Variants in ASAP2 observed in about 807,000 individuals in gnomAD.
ASAP2 encodes the protein arf-GAP with SH3 domain, ANK repeat and PH domain-containing protein 2.
ASAP2 carries 45 observed loss-of-function variants against 131.4 expected under a neutral mutation model. The ratio of observed to expected loss-of-function variants is 0.34; its 90% CI spans 0.27 to 0.44. The LOEUF (loss-of-function observed/expected upper bound fraction) is 0.44. ASAP2 is among the 20% of genes least tolerant of loss of function. The probability of loss-of-function intolerance (pLI) is 1.00; values close to 1 mark genes in which losing one functional copy is unlikely to be tolerated. For synonymous variants in ASAP2, 510 were observed against 503.0 expected (o/e 1.01, Z -0.19); for missense variants, 1,011 against 1,297.0 (o/e 0.78, Z 3.39).
chr2:9,238,111 G>A (rs1663680582), intron 1 of ASAP2, among the ~76,000 whole-genome samples: 1 of 152,196 alleles, frequency 6.6e-6, no homozygotes, highest in Non-Finnish European at 1.5e-5. Flanking sequence ...TTTAGGGTGA[G>A]CACTTACTAA....
chr2:9,253,748 C>T (rs184283997), intron 1 of ASAP2, among the ~76,000 whole-genome samples: 13 of 152,108 alleles, frequency 8.5e-5, no homozygotes, highest in Admixed American at 3.9e-4. Context: ...TAGACCACTC[C>T]TTTGCATTGC....
chr2:9,211,125 A>C (rs1205908969), intron 1 of ASAP2, among the ~76,000 whole-genome samples: 3 of 151,574 alleles, frequency 2.0e-5, no homozygotes, highest in Admixed American at 1.3e-4. Flanking sequence ...ATTGCACTCC[A>C]GCCTGGGCAA....
At chr2:9,375,946 G>C (rs544933259) in intron 17 of ASAP2, among the ~76,000 whole-genome samples, 3 of 152,204 alleles carry the variant, frequency 2.0e-5, no homozygotes, top group Non-Finnish European at 4.4e-5. Context: ...CATCCAGCTG[G>C]AGTGGGTTTG....
intron 20 of ASAP2, among the ~76,000 whole-genome samples, chr2:9,384,855 G>A (rs1675140298): frequency 6.6e-6 from 1 of 152,216 alleles, no homozygotes; most frequent in Admixed American, 6.5e-5. Context: ...ACCCTCTCTG[G>A]GGAGGGCCTT....
intron 2 of ASAP2, among the ~76,000 whole-genome samples, chr2:9,289,989 C>CGGT (rs58906207): frequency 0.33 from 50,188 of 151,740 alleles, 8,461 homozygotes; most frequent in Non-Finnish European, 0.36. Context: ...AGGAAGAAGC[C>CGGT]GGTGAGAGGC....
chr2:9,334,625 C>T, intron 7 of ASAP2, 113 bp from the exon 8 acceptor site: 2 of 855,858 alleles, frequency 2.3e-6, no homozygotes, highest in East Asian at 2.5e-5. Flanking sequence ...ACAGTCTTTT[C>T]CCCCAGGAGT....
In ASAP2 at chr2:9,356,041, A is replaced by G; in HGVS notation, c.1112-6A>G. The G allele has an allele frequency of 1.9e-6, 3 of 1,614,158 alleles. No individual in the cohort carries two copies. The highest frequency in any genetic ancestry group is 1.1e-5 in the South Asian group (1 of 91,084). On this transcript the variant is annotated splice_polypyrimidine_tract_variant and splice_region_variant and intron_variant, in intron 12 of 27. Coordinates refer to ENST00000281419, the MANE Select transcript of ASAP2 (RefSeq NM_003887.3). ...GCTCACAGTTGAAATTCCTCTTGCT[A>G]TGCAGATGACAGAACTTACCACTTT... is the stretch of plus-strand genomic sequence containing the variant.
Position 9,393,591 on chromosome 2 carries a change from C to T in ASAP2, c.2628C>T (p.Pro876=), listed in dbSNP as rs1229188344. 7.5e-6 allele frequency: 12 copies of T among 1,594,040 alleles called. No individual in the cohort carries two copies. The South Asian group carries it at 1.2e-4, about 16-fold the overall frequency. Residue 876 remains proline, a synonymous_variant, in exon 24 of 28, where the codon CCC becomes CCT. Transcript: ENST00000281419. ...CGCCTGGGATCTCACAGATCAGGCC[C>T]CCACCTCTGCCCCCACAGCCGCCCA... ...PAPPGISQIR[P]PPLPPQPPSR... is the part of the protein sequence containing the mutation.
At chr2:9,379,205 G>A (rs1674641740) in intron 19 of ASAP2, 146 bp downstream of exon 19, 1 of 473,900 alleles carries the variant, frequency 2.1e-6, no homozygotes, top group African/African-American at 2.0e-5. Flanking sequence ...CCGCTAATGA[G>A]AAAGAGCCTC....
intron 7 of ASAP2, among the ~76,000 whole-genome samples, chr2:9,332,285 C>T (rs746257035): frequency 7.2e-5 from 11 of 152,172 alleles, no homozygotes; most frequent in African/African-American, 1.4e-4. Context: ...CAGCAGCCAG[C>T]GGAGAAGGAA....
chr2:9,235,380 G>A (rs538360917), intron 1 of ASAP2, among the ~76,000 whole-genome samples: 2 of 152,318 alleles, frequency 1.3e-5, no homozygotes, highest in African/African-American at 2.4e-5. Flanking sequence ...CTGGTGGGTG[G>A]CACCCCAGCC....
At chr2:9,271,696 A>G (rs1666411560) in intron 1 of ASAP2, 1 of 510,818 alleles carries the variant, frequency 2.0e-6, no homozygotes, top group Middle Eastern at 3.7e-4. Context: ...TACGGAAAGT[A>G]GGGAAGCGAC....
At chr2:9,391,335 T>C (rs1022388974) in intron 23 of ASAP2, 139 bp downstream of exon 23, 2 of 1,254,066 alleles carry the variant, frequency 1.6e-6, no homozygotes, top group Non-Finnish European at 2.2e-6. Context: ...GTGGCTCTTG[T>C]GCAGGGCTCT....
chr2:9,390,397 C>G (rs2148791904), intron 22 of ASAP2, among the ~76,000 whole-genome samples: 1 of 152,384 alleles, frequency 6.6e-6, no homozygotes, highest in Admixed American at 6.5e-5. Context: ...AGGCCGTGCA[C>G]AGCCTCCAAC....
rs896485126 is a variant in ASAP2 at position 9,404,526 on chromosome 2, T to C, written c.*1199T>C. On this transcript the variant is annotated 3_prime_UTR_variant, in exon 28 of 28. Transcript: ENST00000281419. ...TGACTGTCATACCTCTATTTAGTAA[T>C]TGCGAGGGTAAGATTCATAGTAGGA... 3 of 152,280 alleles carry C rather than the reference T, an allele frequency of 2.0e-5. No homozygotes were observed. Among genetic ancestry groups the C allele is most frequent in the African/African-American group, 7.2e-5 (3 of 41,434 alleles). 9.4% of individuals were successfully genotyped at this position (152,280 alleles called of 1,614,324 possible).
chr2:9,359,300 G>A (rs1672933295), intron 15 of ASAP2, among the ~76,000 whole-genome samples: 2 of 152,354 alleles, frequency 1.3e-5, no homozygotes, highest in Middle Eastern at 3.4e-3. Context: ...TCAAGCCTCC[G>A]ACTTCTCCCT....
chr2:9,297,823 A>G (rs1203005416), intron 3 of ASAP2, among the ~76,000 whole-genome samples: 1 of 152,232 alleles, frequency 6.6e-6, no homozygotes, highest in Non-Finnish European at 1.5e-5. Flanking sequence ...TTTCAGGCCC[A>G]TCTTACACAG....
chr2:9,317,384 CCA>C (rs141487278), intron 3 of ASAP2, among the ~76,000 whole-genome samples: 43,644 of 149,172 alleles, frequency 0.29, 6,723 homozygotes, highest in Non-Finnish European at 0.36. Flanking sequence ...CAACTCACAT[CCA>C]CACACACACC....
rs1468035564 is a variant in ASAP2 at position 9,403,479 on chromosome 2, T to A, written c.*152T>A. 10 of 611,136 alleles carry A rather than the reference T, an allele frequency of 1.6e-5. No homozygotes were observed. The highest frequency in any genetic ancestry group is 2.5e-5 in the Non-Finnish European group (9 of 357,036). 37.9% of individuals were successfully genotyped at this position (611,136 alleles called of 1,614,324 possible). A position where few individuals can be genotyped will look rare whatever the true frequency, so the allele number is the denominator to read the frequency against. ...GTTTTAAAAACTCAGAGGCAATTTT[T>A]ACATATCAGTAATTGTTTTTATAAT... is the stretch of plus-strand genomic sequence containing the variant. On this transcript the variant is annotated 3_prime_UTR_variant, in exon 28 of 28. Coordinates refer to ENST00000281419, the MANE Select transcript of ASAP2 (RefSeq NM_003887.3).
Sources: allele counts gnomAD v4.1 joint callset (sites outside exome capture counted in the v4.1 genomes callset), GRCh38; gene constraint gnomAD v4.1.1; transcripts MANE v1.5; gene names NCBI Gene and HGNC (gene_info 2026-07-23, HGNC 2026-07-21).